The following ANXA8 variants were observed in gnomAD, a reference collection of about 807,000 sequenced individuals.
The protein encoded by ANXA8 is annexin A8.
A neutral mutation model predicts 26.8 loss-of-function variants in ANXA8; 9 were observed. The ratio of observed to expected loss-of-function variants is 0.34; its 90% CI spans 0.20 to 0.59. ANXA8 has a LOEUF of 0.59. Among genes scored for constraint, ANXA8 ranks in the 20% least tolerant of loss-of-function variants. ANXA8 has a pLI of 0.84. For missense variants in ANXA8, 83 were observed against 238.5 expected, an observed-to-expected ratio of 0.35 and a Z score of 4.29; for synonymous variants, 39 against 94.8, an observed-to-expected ratio of 0.41 and a Z score of 3.42.
At chr10:47,745,634 C>T in the ANXA8 span, among the ~76,000 whole-genome samples, 2 of 126,902 alleles carry the variant, frequency 1.6e-5, no homozygotes, top group African/African-American at 5.4e-5. Context: ...GCATCGAGGC[C>T]CAAAAGCAGC....
the ANXA8 span, among the ~76,000 whole-genome samples, chr10:47,523,844 GAACA>G: frequency 6.7e-6 from 1 of 149,970 alleles, no homozygotes; most frequent in Non-Finnish European, 1.5e-5. Context: ...CCTGAAGAGA[GAACA>G]GACGGAGCTC....
chr10:47,769,057 T>C, the ANXA8 span, among the ~76,000 whole-genome samples: 1 of 145,774 alleles, frequency 6.9e-6, no homozygotes, highest in African/African-American at 2.6e-5. Flanking sequence ...CCACAGGCCC[T>C]ACCCAGAGGG....
At chr10:47,668,882 T>TG in the ANXA8 span, among the ~76,000 whole-genome samples, 2 of 151,492 alleles carry the variant, frequency 1.3e-5, no homozygotes, top group African/African-American at 2.4e-5. Context: ...TGTCATTTGC[T>TG]GGGGCACCCT....
chr10:47,486,708 G>A (rs1434145277), upstream of ANXA8, among the ~76,000 whole-genome samples: 1 of 139,096 alleles, frequency 7.2e-6, no homozygotes, highest in African/African-American at 2.7e-5. Flanking sequence ...CCAGCATTTT[G>A]GGAGGCCCAG....
upstream of ANXA8, chr10:47,487,106 G>A: frequency 8.8e-7 from 1 of 1,138,078 alleles, no homozygotes; most frequent in Non-Finnish European, 1.2e-6. Flanking sequence ...ACTATTCTGT[G>A]CATGTAATAA....
chr10:47,683,727 C>T, the ANXA8 span, among the ~76,000 whole-genome samples: 1 of 151,246 alleles, frequency 6.6e-6, no homozygotes, highest in Non-Finnish European at 1.5e-5. Context: ...TAATTTGAAC[C>T]CACATCTCTC....
chr10:47,643,428 C>T, the ANXA8 span, among the ~76,000 whole-genome samples: 6 of 145,340 alleles, frequency 4.1e-5, no homozygotes, highest in South Asian at 2.1e-4. Flanking sequence ...ACTCGGGAGG[C>T]TGAGGCAGGA....
chr10:47,489,001 C>G (rs1318514118), upstream of ANXA8, among the ~76,000 whole-genome samples: 2 of 147,440 alleles, frequency 1.4e-5, no homozygotes, highest in African/African-American at 2.5e-5. Flanking sequence ...AGGCGTGAGC[C>G]ACCGCCCCCA....
chr10:47,578,003 CAAAA>C, the ANXA8 span, among the ~76,000 whole-genome samples: 1 of 24,224 alleles, frequency 4.1e-5, no homozygotes, highest in Admixed American at 5.2e-4. Flanking sequence ...AACTCCACCT[CAAAA>C]AAAAAAAAAA....
At chr10:47,485,611 A>C (rs1840023485), upstream of ANXA8, among the ~76,000 whole-genome samples, 1 of 151,986 alleles carries the variant, frequency 6.6e-6, no homozygotes, top group Non-Finnish European at 1.5e-5. Flanking sequence ...GCTAAGAACA[A>C]ATAGCTTCCA....
At chr10:47,916,550 G>A in the ANXA8 span, among the ~76,000 whole-genome samples, 1 of 130,324 alleles carries the variant, frequency 7.7e-6, no homozygotes, top group South Asian at 2.5e-4. Context: ...GCTGAGACAA[G>A]ACACTCTACT....
the ANXA8 span, among the ~76,000 whole-genome samples, chr10:47,617,706 T>A: frequency 6.7e-6 from 1 of 149,028 alleles, no homozygotes; most frequent in Non-Finnish European, 1.5e-5. Flanking sequence ...TGAGATTGAG[T>A]CTAGGTTTTT....
the ANXA8 span, among the ~76,000 whole-genome samples, chr10:47,653,470 C>T: frequency 8.2e-4 from 124 of 150,308 alleles, no homozygotes; most frequent in African/African-American, 2.9e-3. Context: ...TAAGTAGTCA[C>T]GTGTGGCTCT....
chr10:47,557,920 T>A, the ANXA8 span, among the ~76,000 whole-genome samples: 1 of 151,982 alleles, frequency 6.6e-6, no homozygotes, highest in Admixed American at 6.6e-5. Context: ...GTTTTCTTCA[T>A]CACTGTAGCA....
At chr10:47,676,468 A>G in the ANXA8 span, among the ~76,000 whole-genome samples, 1 of 151,900 alleles carries the variant, frequency 6.6e-6, no homozygotes, top group African/African-American at 2.4e-5. Context: ...CAACAGGAGA[A>G]TAAAAGACAC....
the ANXA8 span, among the ~76,000 whole-genome samples, chr10:47,704,788 T>C: frequency 6.6e-6 from 1 of 152,048 alleles, no homozygotes; most frequent in Non-Finnish European, 1.5e-5. Flanking sequence ...TATTATTTTG[T>C]ACTAATAGTA....
chr10:47,991,748 G>T, the ANXA8 span: 2 of 1,610,136 alleles, frequency 1.2e-6, no homozygotes, highest in East Asian at 2.2e-5. Flanking sequence ...AGAGACACAG[G>T]TTGGCCTCTG....
chr10:47,556,748 T>C, the ANXA8 span, among the ~76,000 whole-genome samples: 1 of 151,118 alleles, frequency 6.6e-6, no homozygotes, highest in Non-Finnish European at 1.5e-5. Context: ...TACATACATA[T>C]GTATTATAAT....
chr10:47,625,680 G>A, the ANXA8 span, among the ~76,000 whole-genome samples: 1 of 152,120 alleles, frequency 6.6e-6, no homozygotes, highest in Non-Finnish European at 1.5e-5. Context: ...GCCCGAATTT[G>A]GGCCTCTACA....
Sources: allele counts gnomAD v4.1 joint callset (sites outside exome capture counted in the v4.1 genomes callset), GRCh38; gene constraint gnomAD v4.1.1; transcripts MANE v1.5; gene names NCBI Gene and HGNC (gene_info 2026-07-23, HGNC 2026-07-21).